SGMS1: variants seen among roughly 807,000 people sequenced by gnomAD.
SGMS1 encodes sphingomyelin synthase 1, also known as phosphatidylcholine:ceramide cholinephosphotransferase 1.
SGMS1 carries 13 observed loss-of-function variants against 46.2 expected under a neutral mutation model. The observed-to-expected ratio is 0.28, with a 90% CI of 0.18 to 0.45. The LOEUF (loss-of-function observed/expected upper bound fraction) is 0.45, where lower values mean the gene tolerates loss of function less well. Ranked by LOEUF, SGMS1 falls within the 20% of genes least tolerant of loss-of-function variation. The probability of loss-of-function intolerance (pLI) is 1.00; values close to 1 mark genes in which losing one functional copy is unlikely to be tolerated. For synonymous variants in SGMS1, 203 were observed against 187.8 expected, an observed-to-expected ratio of 1.08 and a Z score of -0.66; for missense variants, 324 against 519.9, an observed-to-expected ratio of 0.62 and a Z score of 3.66.
At chr10:50,571,666 G>C (rs1258549728) in intron 2 of SGMS1, among the ~76,000 whole-genome samples, 1 of 152,000 alleles carries the variant, frequency 6.6e-6, no homozygotes, top group Non-Finnish European at 1.5e-5. Context: ...TATCTAATGT[G>C]CATATATATA....
intron 6 of SGMS1, among the ~76,000 whole-genome samples, chr10:50,429,192 T>C: frequency 6.6e-6 from 1 of 152,198 alleles, no homozygotes; most frequent in East Asian, 1.9e-4. Flanking sequence ...ACAGGTATAG[T>C]CATGCACTGC....
At chr10:50,333,665 A>G (rs1343844245) in intron 7 of SGMS1, among the ~76,000 whole-genome samples, 1 of 152,214 alleles carries the variant, frequency 6.6e-6, no homozygotes, top group Non-Finnish European at 1.5e-5. Context: ...AATTCTAAGG[A>G]AAGGTTAGTA....
chr10:50,597,610 A>G (rs1357175117), intron 1 of SGMS1, among the ~76,000 whole-genome samples: 1 of 152,210 alleles, frequency 6.6e-6, no homozygotes, highest in African/African-American at 2.4e-5. Flanking sequence ...GTTCAGGAGG[A>G]AAGAGGATTT....
intron 6 of SGMS1, among the ~76,000 whole-genome samples, chr10:50,386,741 T>G (rs1040746450): frequency 6.6e-6 from 1 of 152,118 alleles, no homozygotes; most frequent in Non-Finnish European, 1.5e-5. Flanking sequence ...GAGTCCCAAG[T>G]TCTCTTCTCA....
intron 2 of SGMS1, among the ~76,000 whole-genome samples, chr10:50,588,151 C>T (rs539819834): frequency 1.4e-4 from 21 of 152,250 alleles, no homozygotes; most frequent in Non-Finnish European, 2.6e-4. Flanking sequence ...CTGAGCTACC[C>T]GTGATTCCAG....
intron 3 of SGMS1, among the ~76,000 whole-genome samples, chr10:50,518,598 T>C (rs1381916393): frequency 6.6e-6 from 1 of 152,098 alleles, no homozygotes; most frequent in African/African-American, 2.4e-5. Context: ...GGCTAATTTT[T>C]ATATTTTTAG....
intron 3 of SGMS1, among the ~76,000 whole-genome samples, chr10:50,505,006 C>T (rs996387459): frequency 6.6e-5 from 10 of 152,024 alleles, no homozygotes; most frequent in South Asian, 2.1e-4. Flanking sequence ...GCCAGGAATT[C>T]GAGACCAGTG....
chr10:50,490,770 AT>A (rs1837560362), intron 3 of SGMS1, among the ~76,000 whole-genome samples: 1 of 152,194 alleles, frequency 6.6e-6, no homozygotes, highest in East Asian at 1.9e-4. Flanking sequence ...AATTGCAGGA[AT>A]TTGACAAGTA....
At chr10:50,404,794 C>T (rs533523087) in intron 6 of SGMS1, among the ~76,000 whole-genome samples, 1 of 152,186 alleles carries the variant, frequency 6.6e-6, no homozygotes, top group African/African-American at 2.4e-5. Context: ...AACACAATCC[C>T]CCCAATGGCA....
At chr10:50,621,956 TA>T (rs1353450701) in intron 1 of SGMS1, among the ~76,000 whole-genome samples, 2 of 152,150 alleles carry the variant, frequency 1.3e-5, no homozygotes, top group African/African-American at 4.8e-5. Context: ...AGAGGCGCAG[TA>T]AGGAAACTCG....
chr10:50,334,335 T>C (rs1847677502), intron 7 of SGMS1, among the ~76,000 whole-genome samples: 1 of 152,242 alleles, frequency 6.6e-6, no homozygotes, highest in Admixed American at 6.5e-5. Context: ...TATGTGTGTA[T>C]ACATTAGTGT....
intron 2 of SGMS1, among the ~76,000 whole-genome samples, chr10:50,585,516 C>T (rs1838475376): frequency 6.6e-6 from 1 of 152,166 alleles, no homozygotes; most frequent in Admixed American, 6.5e-5. Context: ...ATTTTTAGTT[C>T]CACTTCCATA....
chr10:50,324,925 T>A (rs1330615112), intron 8 of SGMS1, among the ~76,000 whole-genome samples: 2 of 152,194 alleles, frequency 1.3e-5, no homozygotes, highest in Non-Finnish European at 2.9e-5. Flanking sequence ...CAAGTAAATG[T>A]AATATAAAGA....
At chr10:50,348,049 C>A (rs1345765106) in intron 6 of SGMS1, among the ~76,000 whole-genome samples, 1 of 152,090 alleles carries the variant, frequency 6.6e-6, no homozygotes, top group East Asian at 1.9e-4. Context: ...CTATGACAGG[C>A]CCCAGTGTGT....
At chr10:50,342,573 T>C (rs894648838) in intron 7 of SGMS1, 1 of 152,244 alleles carries the variant, frequency 6.6e-6, no homozygotes, top group Non-Finnish European at 1.5e-5. Context: ...GAACTCTCAG[T>C]GTGCATTTTG....
intron 8 of SGMS1, among the ~76,000 whole-genome samples, chr10:50,323,342 A>G (rs939820735): frequency 1.3e-5 from 2 of 152,182 alleles, no homozygotes; most frequent in African/African-American, 4.8e-5. Context: ...AGTTCACATG[A>G]CTGTATTAAG....
chr10:50,493,003 T>C (rs1268711868), intron 3 of SGMS1, among the ~76,000 whole-genome samples: 1 of 152,188 alleles, frequency 6.6e-6, no homozygotes, highest in Non-Finnish European at 1.5e-5. Flanking sequence ...GTGTCCTTGA[T>C]TTCTTTGTCA....
chr10:50,570,453 C>T (rs544951290), intron 2 of SGMS1, among the ~76,000 whole-genome samples: 1 of 152,216 alleles, frequency 6.6e-6, no homozygotes, highest in East Asian at 1.9e-4. Flanking sequence ...ATAATCTGGA[C>T]CTTATGAGTA....
intron 4 of SGMS1, among the ~76,000 whole-genome samples, chr10:50,464,574 A>C (rs1217196622): frequency 6.6e-6 from 1 of 152,220 alleles, no homozygotes; most frequent in African/African-American, 2.4e-5. Context: ...CTGGGACTAC[A>C]GGCATCCACC....
Sources: allele counts gnomAD v4.1 joint callset (sites outside exome capture counted in the v4.1 genomes callset), GRCh38; gene constraint gnomAD v4.1.1; transcripts MANE v1.5; gene names NCBI Gene and HGNC (gene_info 2026-07-23, HGNC 2026-07-21).